The following VSNL1 variants were observed in gnomAD, a reference collection of about 807,000 sequenced individuals.
VSNL1 encodes the protein visinin like 1.
In VSNL1, 6 loss-of-function variants were observed where a neutral mutation model predicts 20.4. That is an observed-to-expected ratio of 0.29 (90% confidence interval 0.16 to 0.58). The LOEUF is 0.58. VSNL1 is among the 20% of genes least tolerant of loss of function. VSNL1 has a pLI of 0.90. For synonymous variants in VSNL1, 93 were observed against 86.4 expected (o/e 1.08, Z -0.42); for missense variants, 100 against 234.5 (o/e 0.43, Z 3.75).
intron 2 of VSNL1, among the ~76,000 whole-genome samples, chr2:17,646,507 C>T (rs1029520037): frequency 6.6e-6 from 1 of 152,204 alleles, no homozygotes; most frequent in Non-Finnish European, 1.5e-5. Context: ...GCTTCCACTT[C>T]CTCATCCACA....
At chr2:17,626,780 G>T (rs1169034372) in intron 2 of VSNL1, among the ~76,000 whole-genome samples, 1 of 152,150 alleles carries the variant, frequency 6.6e-6, no homozygotes, top group Non-Finnish European at 1.5e-5. Context: ...ACAATTCTAG[G>T]ACAAAGGAAA....
intron 2 of VSNL1, among the ~76,000 whole-genome samples, chr2:17,640,120 C>T (rs1558309144): frequency 1.3e-5 from 2 of 152,182 alleles, no homozygotes; most frequent in South Asian, 2.1e-4. Flanking sequence ...CGCAGTGGCA[C>T]ATGCCTGTAA....
intron 1 of VSNL1, among the ~76,000 whole-genome samples, chr2:17,561,883 ACT>A (rs1251673926): frequency 6.6e-6 from 1 of 152,072 alleles, no homozygotes; most frequent in African/African-American, 2.4e-5. Context: ...TTTTTTGGTG[ACT>A]CTTAACAATA....
At chr2:17,548,092 T>A (rs1245067470) in intron 1 of VSNL1, among the ~76,000 whole-genome samples, 1 of 152,126 alleles carries the variant, frequency 6.6e-6, no homozygotes, top group Non-Finnish European at 1.5e-5. Context: ...GGGAAGAGTC[T>A]CCTATGAGCT....
chr2:17,636,722 ATTT>A (rs60673857), intron 2 of VSNL1, among the ~76,000 whole-genome samples: 7,673 of 151,404 alleles, frequency 0.051, 201 homozygotes, highest in Middle Eastern at 0.079. Context: ...ATTAAAAACT[ATTT>A]TTTTTTTTTA....
intron 1 of VSNL1, among the ~76,000 whole-genome samples, chr2:17,584,051 T>G (rs540960030): frequency 1.3e-5 from 2 of 152,318 alleles, no homozygotes; most frequent in Admixed American, 1.3e-4. Flanking sequence ...GCAAATAACA[T>G]TATTTTATTT....
intron 2 of VSNL1, among the ~76,000 whole-genome samples, chr2:17,638,583 G>A (rs572437374): frequency 3.3e-5 from 5 of 152,164 alleles, no homozygotes; most frequent in Non-Finnish European, 7.4e-5. Flanking sequence ...TCCTTCCCAC[G>A]CCCTACAGGA....
At chr2:17,635,615 A>G (rs1176222434) in intron 2 of VSNL1, among the ~76,000 whole-genome samples, 1 of 152,184 alleles carries the variant, frequency 6.6e-6, no homozygotes, top group Non-Finnish European at 1.5e-5. Flanking sequence ...TGTGATCTTG[A>G]GAAAGTTATT....
intron 1 of VSNL1, among the ~76,000 whole-genome samples, chr2:17,560,258 G>C (rs435668): frequency 0.29 from 43,455 of 150,658 alleles, 8,184 homozygotes; most frequent in East Asian, 0.87. Context: ...TTTTAGGCAT[G>C]CATTTTTAAG....
intron 2 of VSNL1, among the ~76,000 whole-genome samples, chr2:17,594,801 G>A (rs1187786124): frequency 1.3e-5 from 2 of 152,222 alleles, no homozygotes; most frequent in Admixed American, 6.5e-5. Context: ...AGGATAATGG[G>A]AGTGGCTCCG....
At chr2:17,580,298 T>C (rs1285892274) in intron 1 of VSNL1, among the ~76,000 whole-genome samples, 2 of 152,150 alleles carry the variant, frequency 1.3e-5, no homozygotes, top group African/African-American at 2.4e-5. Flanking sequence ...CCGAGAAGCC[T>C]TGGGGAACAT....
At chr2:17,575,515 T>A (rs1664187447) in intron 1 of VSNL1, among the ~76,000 whole-genome samples, 1 of 152,100 alleles carries the variant, frequency 6.6e-6, no homozygotes, top group African/African-American at 2.4e-5. Flanking sequence ...TAAGTAGATT[T>A]CACAAATATC....
intron 1 of VSNL1, among the ~76,000 whole-genome samples, chr2:17,579,785 C>T (rs1454918762): frequency 6.6e-6 from 1 of 152,084 alleles, no homozygotes; most frequent in Non-Finnish European, 1.5e-5. Context: ...AAAAGGACCT[C>T]CTGTGGTGCT....
intron 1 of VSNL1, among the ~76,000 whole-genome samples, chr2:17,590,160 A>G (rs1331105966): frequency 1.3e-5 from 2 of 152,228 alleles, no homozygotes; most frequent in Non-Finnish European, 2.9e-5. Context: ...GAGGTGTTCC[A>G]TTAAGTGCCT....
intron 2 of VSNL1, among the ~76,000 whole-genome samples, chr2:17,599,725 T>G (rs1021422174): frequency 1.3e-5 from 2 of 152,216 alleles, no homozygotes; most frequent in African/African-American, 4.8e-5. Context: ...ATCTTAGAGA[T>G]AGCATTTCCT....
intron 2 of VSNL1, among the ~76,000 whole-genome samples, chr2:17,614,231 A>T (rs555427438): frequency 1.3e-5 from 2 of 152,342 alleles, no homozygotes; most frequent in South Asian, 2.1e-4. Flanking sequence ...ATGGCAACGT[A>T]GACCTGGCAG....
At chr2:17,622,985 A>G (rs914639725) in intron 2 of VSNL1, among the ~76,000 whole-genome samples, 1 of 152,184 alleles carries the variant, frequency 6.6e-6, no homozygotes, top group Non-Finnish European at 1.5e-5. Context: ...CATCTGGTAT[A>G]AACACTTGTG....
chr2:17,569,790 C>T (rs1200225411), intron 1 of VSNL1, among the ~76,000 whole-genome samples: 1 of 152,034 alleles, frequency 6.6e-6, no homozygotes, highest in African/African-American at 2.4e-5. Flanking sequence ...ATTTTTAATT[C>T]TTTAACAAGA....
At chr2:17,643,605 C>T (rs1665929587) in intron 2 of VSNL1, among the ~76,000 whole-genome samples, 1 of 152,184 alleles carries the variant, frequency 6.6e-6, no homozygotes. Flanking sequence ...ACAGCAATGG[C>T]AAAACCAGGT....
Sources: gnomAD v4.1 joint callset for allele counts (sites outside exome capture counted in the v4.1 genomes callset) on GRCh38, gnomAD v4.1.1 for gene constraint, MANE v1.5 for transcripts, NCBI Gene and HGNC (gene_info 2026-07-23, HGNC 2026-07-21) for gene names.